The following TASP1 variants were observed in gnomAD, a reference collection of about 807,000 sequenced individuals.
TASP1 encodes threonine aspartase 1.
TASP1 carries 16 observed loss-of-function variants against 56.6 expected under a neutral mutation model. The observed-to-expected ratio is 0.28, with a 90% CI of 0.19 to 0.43. TASP1 has a LOEUF of 0.43. Among genes scored for constraint, TASP1 ranks in the 20% least tolerant of loss-of-function variants. The pLI, the probability that TASP1 is intolerant of heterozygous loss-of-function variation, is 1.00. For missense variants in TASP1, 393 were observed against 511.6 expected (o/e 0.77, Z 2.24); for synonymous variants, 179 against 184.2 (o/e 0.97, Z 0.23).
chr20:13,404,722 A>G (rs767912919), intron 13 of TASP1, among the ~76,000 whole-genome samples: 2 of 152,254 alleles, frequency 1.3e-5, no homozygotes, highest in Non-Finnish European at 2.9e-5. Context: ...ATTTACATAC[A>G]TAATCACATT....
intron 10 of TASP1, among the ~76,000 whole-genome samples, chr20:13,496,381 G>T (rs1033058110): frequency 1.4e-4 from 22 of 151,852 alleles, no homozygotes; most frequent in African/African-American, 5.3e-4. Context: ...TACTGCTGCT[G>T]GACCCATGAA....
At chr20:13,166,362 T>G in the TASP1 span, 5 of 152,450 alleles carry the variant, frequency 3.3e-5, no homozygotes, top group Admixed American at 6.5e-5. Context: ...ATGGAAAGTT[T>G]TTATGGGGAA....
the TASP1 span, among the ~76,000 whole-genome samples, chr20:13,157,454 T>C: frequency 6.6e-6 from 1 of 151,822 alleles, no homozygotes; most frequent in Non-Finnish European, 1.5e-5. Flanking sequence ...AAAATTACTC[T>C]CTAAGACTCA....
At chr20:13,393,407 G>C in intron 13 of TASP1, 2 of 754,198 alleles carry the variant, frequency 2.7e-6, no homozygotes, top group East Asian at 5.3e-5. Context: ...TTATGGACCT[G>C]ACCTACCGTC....
At chr20:13,626,489 A>T (rs1227608572) in intron 2 of TASP1, among the ~76,000 whole-genome samples, 1 of 152,180 alleles carries the variant, frequency 6.6e-6, no homozygotes, top group Non-Finnish European at 1.5e-5. Flanking sequence ...GAAAAGCTAC[A>T]TCTCTAGGCC....
intron 11 of TASP1, among the ~76,000 whole-genome samples, chr20:13,448,325 T>A (rs1002911024): frequency 2.0e-5 from 3 of 152,136 alleles, no homozygotes; most frequent in Non-Finnish European, 4.4e-5. Context: ...CCTGTTCCAT[T>A]GATGAAATTA....
chr20:13,325,395 T>C, the TASP1 span, among the ~76,000 whole-genome samples: 1 of 152,162 alleles, frequency 6.6e-6, no homozygotes, highest in African/African-American at 2.4e-5. Context: ...GGTATCTGTC[T>C]CCATAAATAA....
intron 4 of TASP1, among the ~76,000 whole-genome samples, chr20:13,622,283 C>A (rs1264773884): frequency 6.6e-6 from 1 of 152,168 alleles, no homozygotes; most frequent in Non-Finnish European, 1.5e-5. Context: ...GAGTCAAGGA[C>A]AGACTGTGCC....
At chr20:13,199,980 T>C in the TASP1 span, among the ~76,000 whole-genome samples, 1 of 152,230 alleles carries the variant, frequency 6.6e-6, no homozygotes, top group South Asian at 2.1e-4. Flanking sequence ...TGGAAAATCA[T>C]TTCAGATGAA....
intron 2 of TASP1, among the ~76,000 whole-genome samples, chr20:13,628,616 G>A (rs2048981129): frequency 6.6e-6 from 1 of 152,138 alleles, no homozygotes; most frequent in African/African-American, 2.4e-5. Context: ...TAATGGCCAG[G>A]CAGGACACCA....
downstream of TASP1, among the ~76,000 whole-genome samples, chr20:13,384,430 G>A (rs1186844950): frequency 6.6e-6 from 1 of 152,176 alleles, no homozygotes; most frequent in Admixed American, 6.5e-5. Flanking sequence ...GTGCCGCCTT[G>A]GAGGGAAGCC....
chr20:13,118,183 G>T, the TASP1 span, among the ~76,000 whole-genome samples: 1 of 152,044 alleles, frequency 6.6e-6, no homozygotes, highest in Admixed American at 6.6e-5. Context: ...GCAACAGTAG[G>T]CAATGTTAGT....
chr20:13,208,965 C>T, the TASP1 span, among the ~76,000 whole-genome samples: 1 of 152,146 alleles, frequency 6.6e-6, no homozygotes, highest in African/African-American at 2.4e-5. Flanking sequence ...TGTACTCAGC[C>T]CAGTCTTCTA....
the TASP1 span, among the ~76,000 whole-genome samples, chr20:13,318,505 T>A: frequency 2.0e-5 from 3 of 152,194 alleles, no homozygotes; most frequent in Admixed American, 6.5e-5. Context: ...TGAAAAATTG[T>A]GTCCACACAA....
At chr20:13,322,847 G>T in the TASP1 span, among the ~76,000 whole-genome samples, 2 of 152,110 alleles carry the variant, frequency 1.3e-5, no homozygotes, top group Non-Finnish European at 2.9e-5. Flanking sequence ...CAAAGCCACA[G>T]ATCTGGATAA....
the TASP1 span, among the ~76,000 whole-genome samples, chr20:13,130,969 G>T: frequency 2.6e-5 from 4 of 152,194 alleles, no homozygotes; most frequent in African/African-American, 9.7e-5. Context: ...AGGACTGGGA[G>T]CTGGGAATTG....
chr20:13,353,578 T>A, the TASP1 span, among the ~76,000 whole-genome samples: 1 of 152,222 alleles, frequency 6.6e-6, no homozygotes, highest in Admixed American at 6.5e-5. Flanking sequence ...TTCATCAGCT[T>A]GGTAACAACT....
chr20:13,123,656 C>G, the TASP1 span, among the ~76,000 whole-genome samples: 3 of 152,200 alleles, frequency 2.0e-5, no homozygotes, highest in African/African-American at 7.2e-5. Context: ...GCTTCTCCCT[C>G]TCTTCCCAAT....
chr20:13,384,702 A>G (rs1044440453), downstream of TASP1, among the ~76,000 whole-genome samples: 3 of 152,200 alleles, frequency 2.0e-5, no homozygotes, highest in Non-Finnish European at 4.4e-5. Flanking sequence ...CACTCCCCCT[A>G]TAGCCCACTA....
Sources: allele counts gnomAD v4.1 joint callset (sites outside exome capture counted in the v4.1 genomes callset), GRCh38; gene constraint gnomAD v4.1.1; transcripts MANE v1.5; gene names NCBI Gene and HGNC (gene_info 2026-07-23, HGNC 2026-07-21).